Variants in STPG2 observed in about 807,000 individuals in gnomAD.
STPG2 encodes the protein sperm-tail PG-rich repeat-containing protein 2.
A neutral mutation model predicts 54.2 loss-of-function variants in STPG2; 56 were observed. The ratio of observed to expected loss-of-function variants is 1.03; its 90% CI spans 0.83 to 1.29. The LOEUF is 1.29. STPG2 is among the 50% of genes most tolerant of loss of function. The pLI, the probability that STPG2 is intolerant of heterozygous loss-of-function variation, is 0.00. For missense variants in STPG2, 596 were observed against 544.9 expected, an observed-to-expected ratio of 1.09 and a Z score of -0.93; for synonymous variants, 200 against 181.8, an observed-to-expected ratio of 1.10 and a Z score of -0.81.
chr4:97,844,466 A>T (rs1219254956), intron 8 of STPG2, among the ~76,000 whole-genome samples: 4 of 151,936 alleles, frequency 2.6e-5, no homozygotes, highest in African/African-American at 9.7e-5. Flanking sequence ...TTTTGCTTGA[A>T]ATTTTTTACT....
intron 8 of STPG2, among the ~76,000 whole-genome samples, chr4:97,908,878 G>T (rs890312065): frequency 1.4e-5 from 2 of 146,978 alleles, no homozygotes; most frequent in Middle Eastern, 3.5e-3. Context: ...GGTTGGGGGA[G>T]GGGGGAGGGA....
At chr4:97,989,954 C>T (rs555957160) in intron 5 of STPG2, among the ~76,000 whole-genome samples, 1 of 152,336 alleles carries the variant, frequency 6.6e-6, no homozygotes, top group African/African-American at 2.4e-5. Context: ...ACTAAAACCA[C>T]AGGAGGTGAA....
chr4:97,798,607 G>T (rs1203904119), intron 9 of STPG2, among the ~76,000 whole-genome samples: 2 of 146,632 alleles, frequency 1.4e-5, no homozygotes, highest in Non-Finnish European at 3.0e-5. Context: ...TTCCAACTCT[G>T]TGGTCAATTT....
chr4:97,471,612 T>C (rs1232598136), intron 4 of STPG2, among the ~76,000 whole-genome samples: 1 of 152,130 alleles, frequency 6.6e-6, no homozygotes, highest in Non-Finnish European at 1.5e-5. Context: ...GGGGAGGAAC[T>C]AAATAGAAGT....
chr4:97,779,127 C>T (rs1381941424), intron 9 of STPG2, among the ~76,000 whole-genome samples: 1 of 152,130 alleles, frequency 6.6e-6, no homozygotes, highest in Admixed American at 6.6e-5. Flanking sequence ...GACGATCAAA[C>T]TTCTCCGAGG....
At chr4:97,719,767 C>G (rs1035306513) in intron 9 of STPG2, among the ~76,000 whole-genome samples, 1 of 151,904 alleles carries the variant, frequency 6.6e-6, no homozygotes, top group African/African-American at 2.4e-5. Flanking sequence ...GAATCTACTT[C>G]TGTGACTTTA....
At chr4:97,796,868 C>T (rs183798800) in intron 9 of STPG2, among the ~76,000 whole-genome samples, 344 of 152,234 alleles carry the variant, frequency 2.3e-3, no homozygotes, top group African/African-American at 7.8e-3. Flanking sequence ...TCTTTTATTT[C>T]GTTGAGCACT....
chr4:97,911,145 C>A (rs928049688), intron 8 of STPG2, among the ~76,000 whole-genome samples: 1 of 152,212 alleles, frequency 6.6e-6, no homozygotes, highest in Non-Finnish European at 1.5e-5. Flanking sequence ...ATCTTTGCAA[C>A]CCACGAATAA....
chr4:97,632,690 G>C (rs532673162), intron 10 of STPG2, among the ~76,000 whole-genome samples: 20 of 152,168 alleles, frequency 1.3e-4, no homozygotes, highest in African/African-American at 4.3e-4. Context: ...CCATGCTAAA[G>C]AATGACAATA....
intron 7 of STPG2, among the ~76,000 whole-genome samples, chr4:97,954,573 T>C (rs533077412): frequency 6.6e-6 from 1 of 152,286 alleles, no homozygotes; most frequent in Non-Finnish European, 1.5e-5. Context: ...AAGAACCTGA[T>C]AGAAGGACCC....
At chr4:97,784,040 A>C (rs1422626956) in intron 9 of STPG2, among the ~76,000 whole-genome samples, 1 of 151,714 alleles carries the variant, frequency 6.6e-6, no homozygotes, top group Non-Finnish European at 1.5e-5. Context: ...CACGTTGTAC[A>C]CATGTACCCT....
At chr4:97,707,907 T>G (rs1723999313) in intron 10 of STPG2, among the ~76,000 whole-genome samples, 1 of 152,142 alleles carries the variant, frequency 6.6e-6, no homozygotes, top group South Asian at 2.1e-4. Context: ...TTTTTAAAAG[T>G]AAAGACAATT....
intron 7 of STPG2, among the ~76,000 whole-genome samples, chr4:97,962,487 G>C (rs77265992): frequency 0.015 from 2,265 of 151,798 alleles, 50 homozygotes; most frequent in African/African-American, 0.051. Flanking sequence ...TAAACACAAG[G>C]TTTACCAGAC....
chr4:97,451,203 G>T (rs2148798145), intron 4 of STPG2, among the ~76,000 whole-genome samples: 1 of 152,246 alleles, frequency 6.6e-6, no homozygotes, highest in African/African-American at 2.4e-5. Flanking sequence ...TCAGAGAGTG[G>T]TATGTTAGGA....
At chr4:97,969,135 G>A (rs1023634789) in intron 7 of STPG2, among the ~76,000 whole-genome samples, 1 of 152,116 alleles carries the variant, frequency 6.6e-6, no homozygotes, top group African/African-American at 2.4e-5. Flanking sequence ...AGAATTTCTG[G>A]TCTAACCAGT....
intron 9 of STPG2, among the ~76,000 whole-genome samples, chr4:97,800,747 C>T (rs944093551): frequency 5.9e-5 from 9 of 152,132 alleles, no homozygotes; most frequent in Non-Finnish European, 8.8e-5. Flanking sequence ...TGGTTTCTGC[C>T]GCCTTTTGTT....
intron 8 of STPG2, among the ~76,000 whole-genome samples, chr4:97,875,392 G>GA (rs886517115): frequency 2.8e-5 from 4 of 143,342 alleles, no homozygotes; most frequent in African/African-American, 5.1e-5. Flanking sequence ...GCTGGGCTAA[G>GA]AAAAAAAAAG....
intron 5 of STPG2, among the ~76,000 whole-genome samples, chr4:98,100,741 T>TC (rs1197363814): frequency 6.9e-6 from 1 of 144,900 alleles, no homozygotes. Context: ...AGTGGTGCAA[T>TC]CTCGGCTCAC....
At chr4:97,754,057 T>G (rs1725659634) in intron 9 of STPG2, among the ~76,000 whole-genome samples, 1 of 152,104 alleles carries the variant, frequency 6.6e-6, no homozygotes, top group Non-Finnish European at 1.5e-5. Context: ...AATCAAGATT[T>G]CCTATAGTGT....
Sources: gnomAD v4.1 joint callset for allele counts (sites outside exome capture counted in the v4.1 genomes callset) on GRCh38, gnomAD v4.1.1 for gene constraint, MANE v1.5 for transcripts, NCBI Gene and HGNC (gene_info 2026-07-23, HGNC 2026-07-21) for gene names.